The following ZPLD1 variants were observed in gnomAD, a reference collection of about 807,000 sequenced individuals.
The protein encoded by ZPLD1 is zona pellucida like domain containing 1.
Under a neutral mutation model 47.2 loss-of-function variants are expected in ZPLD1, and 34 were observed. The observed-to-expected ratio is 0.72, with a 90% CI of 0.55 to 0.96. ZPLD1 has a LOEUF of 0.96. ZPLD1 is among the 40% of genes least tolerant of loss of function. The pLI, the probability that ZPLD1 is intolerant of heterozygous loss-of-function variation, is 0.00. For missense variants in ZPLD1, 512 were observed against 505.8 expected (o/e 1.01, Z -0.12); for synonymous variants, 176 against 186.2 (o/e 0.95, Z 0.45).
intron 7 of ZPLD1, among the ~76,000 whole-genome samples, chr3:102,413,039 A>C (rs1455685678): frequency 6.6e-6 from 1 of 151,844 alleles, no homozygotes; most frequent in Admixed American, 6.6e-5. Context: ...ATGGCTATGC[A>C]GAGCTAGAAT....
Position 102,437,633 on chromosome 3 carries a change from G to A in ZPLD1, c.-9+660G>A, listed in dbSNP as rs188928454. On this transcript the variant is annotated intron_variant, in intron 2 of 11. Coordinates refer to ENST00000466937, the MANE Select transcript of ZPLD1 (RefSeq NM_001329788.2). Reference sequence around the variant, plus strand: ...AATAAGTTAGGTATTCCTGAAAGATGTTTTAACTCTATCAGGCCAATGAAT... The same window carrying A: ...AATAAGTTAGGTATTCCTGAAAGATATTTTAACTCTATCAGGCCAATGAAT... Among the ~76,000 whole-genome samples, 106 of 152,312 alleles carry A rather than the reference G, an allele frequency of 7.0e-4. 1 individual carries two copies. The highest frequency in any genetic ancestry group is 1.3e-3 in the Non-Finnish European group (90 of 68,034).
intron 7 of ZPLD1, among the ~76,000 whole-genome samples, chr3:102,400,867 A>C (rs764586974): frequency 6.6e-6 from 1 of 152,040 alleles, no homozygotes; most frequent in Non-Finnish European, 1.5e-5. Flanking sequence ...CCACTCTTCA[A>C]ACTAGTCTCC....
At chr3:102,385,628 CT>C (rs1706416690) in intron 6 of ZPLD1, among the ~76,000 whole-genome samples, 1 of 152,146 alleles carries the variant, frequency 6.6e-6, no homozygotes, top group African/African-American at 2.4e-5. Context: ...CCAGTGAAGA[CT>C]ACTGAGTTAT....
chr3:102,433,987 G>A (rs948760267), upstream of ZPLD1, among the ~76,000 whole-genome samples: 2 of 152,040 alleles, frequency 1.3e-5, no homozygotes, highest in Non-Finnish European at 2.9e-5. Context: ...AAAATTAGTA[G>A]GACATTAATT....
At chr3:102,439,114 C>T (rs983554849) in intron 3 of ZPLD1, among the ~76,000 whole-genome samples, 1 of 152,140 alleles carries the variant, frequency 6.6e-6, no homozygotes, top group East Asian at 1.9e-4. Flanking sequence ...GGGCATGTCC[C>T]ACAGGTTTCT....
At position 102,435,078 on chromosome 3, in the gene ZPLD1, T is replaced by G. The variant is rs1177006098; in HGVS notation, c.-199T>G. On this transcript the variant is annotated 5_prime_UTR_variant, in exon 1 of 12. Coordinates refer to ENST00000466937, the MANE Select transcript of ZPLD1 (RefSeq NM_001329788.2). ...CAATTTCAGAAAAGTATTTAGGGAC[T>G]GTGCTAAAATAGCATCTCCAAGCTT... 1 of 1,612,808 alleles carries G rather than the reference T, an allele frequency of 6.2e-7. No homozygotes were observed.
chr3:102,403,480 G>A (rs1038034163), intron 7 of ZPLD1, among the ~76,000 whole-genome samples: 1 of 151,998 alleles, frequency 6.6e-6, no homozygotes, highest in Admixed American at 6.6e-5. Context: ...TCAGTCCCAT[G>A]TTAATCCTCA....
intron 7 of ZPLD1, among the ~76,000 whole-genome samples, chr3:102,408,515 G>T (rs907908441): frequency 6.6e-6 from 1 of 151,854 alleles, no homozygotes; most frequent in Non-Finnish European, 1.5e-5. Flanking sequence ...ACTTAAAAAT[G>T]TCTAGCACAG....
intron 8 of ZPLD1, among the ~76,000 whole-genome samples, chr3:102,421,499 T>C (rs772067325): frequency 2.0e-5 from 3 of 151,914 alleles, no homozygotes; most frequent in Non-Finnish European, 2.9e-5. Context: ...TTGTGTATTA[T>C]GTATTTGTGC....
intron 8 of ZPLD1, among the ~76,000 whole-genome samples, chr3:102,427,941 TGTAA>T (rs1315165106): frequency 6.6e-6 from 1 of 152,206 alleles, no homozygotes; most frequent in African/African-American, 2.4e-5. Context: ...TATTAACTTC[TGTAA>T]GTTTTACTGT....
At chr3:102,386,243 C>A (rs1200384559) in intron 6 of ZPLD1, among the ~76,000 whole-genome samples, 1 of 151,274 alleles carries the variant, frequency 6.6e-6, no homozygotes, top group Non-Finnish European at 1.5e-5. Flanking sequence ...TAAAAAATAC[C>A]TATGCCTGGG....
intron 5 of ZPLD1, among the ~76,000 whole-genome samples, chr3:102,456,611 A>G (rs972966113): frequency 5.5e-5 from 8 of 146,486 alleles, no homozygotes; most frequent in African/African-American, 2.0e-4. Flanking sequence ...GTTATGATCC[A>G]TAACAGACCC....
chr3:102,458,005 T>C, intron 6 of ZPLD1, 152 bp downstream of exon 6: 4 of 664,114 alleles, frequency 6.0e-6, no homozygotes, highest in Non-Finnish European at 1.0e-5. Flanking sequence ...TTTTCATATA[T>C]CTTAGTGATA....
chr3:102,476,545 C>A (rs562934771), intron 10 of ZPLD1, among the ~76,000 whole-genome samples: 1 of 152,034 alleles, frequency 6.6e-6, no homozygotes, highest in South Asian at 2.1e-4. Flanking sequence ...TTGCAGATTA[C>A]GTTGGGCAAA....
intron 4 of ZPLD1, 141 bp downstream of exon 4, chr3:102,453,280 G>T: frequency 1.4e-6 from 1 of 726,450 alleles, no homozygotes; most frequent in African/African-American, 1.8e-5. Flanking sequence ...CCTGTTTGAG[G>T]CATGCACTAG....
chr3:102,390,714 A>G (rs1229807027), intron 6 of ZPLD1, among the ~76,000 whole-genome samples: 2 of 152,184 alleles, frequency 1.3e-5, no homozygotes, highest in Non-Finnish European at 2.9e-5. Context: ...TTTGAAATTG[A>G]TTGCTGAGAT....
intron 7 of ZPLD1, among the ~76,000 whole-genome samples, chr3:102,402,278 T>C (rs1706631109): frequency 6.6e-6 from 1 of 152,024 alleles, no homozygotes; most frequent in African/African-American, 2.4e-5. Flanking sequence ...AATATCTCTC[T>C]TCTACCATTC....
At chr3:102,426,173 C>T (rs1056473845) in intron 8 of ZPLD1, among the ~76,000 whole-genome samples, 5 of 151,400 alleles carry the variant, frequency 3.3e-5, no homozygotes, top group Non-Finnish European at 7.4e-5. Flanking sequence ...CACACACACA[C>T]GAACATTTTT....
chr3:102,442,166 G>A (rs1303454935), intron 3 of ZPLD1, among the ~76,000 whole-genome samples: 1 of 152,092 alleles, frequency 6.6e-6, no homozygotes, highest in East Asian at 1.9e-4. Context: ...AATGCTGTCA[G>A]AAAAAGGGAG....
Sources: allele counts gnomAD v4.1 joint callset (sites outside exome capture counted in the v4.1 genomes callset), GRCh38; gene constraint gnomAD v4.1.1; transcripts MANE v1.5; gene names NCBI Gene and HGNC (gene_info 2026-07-23, HGNC 2026-07-21).